Variants in ZAN observed in about 807,000 individuals in gnomAD.
ZAN encodes the protein zonadhesin.
ZAN carries 260 observed loss-of-function variants against 286.2 expected under a neutral mutation model. That is an observed-to-expected ratio of 0.91 (90% CI 0.82 to 1.01). ZAN has a LOEUF of 1.01. Ranked by LOEUF, ZAN falls within the 50% of genes least tolerant of loss-of-function variation. ZAN has a pLI of 0.00. For missense variants in ZAN, 3,410 were observed against 3,639.2 expected (o/e 0.94, Z 1.62); for synonymous variants, 1,368 against 1,417.5 (o/e 0.97, Z 0.79).
intron 42 of ZAN, 83 bp from the exon 43 acceptor site, chr7:100,793,737 C>A: frequency 6.9e-7 from 1 of 1,443,796 alleles, no homozygotes; most frequent in Non-Finnish European, 9.4e-7. Flanking sequence ...TGTGCCCAGC[C>A]TACTCTGAGT....
intron 16 of ZAN, 40 bp downstream of exon 16, chr7:100,758,383 G>T: frequency 4.4e-6 from 7 of 1,604,654 alleles, no homozygotes; most frequent in Non-Finnish European, 6.0e-6. Flanking sequence ...CTGCCAGCCA[G>T]TTGGAGTAGA....
intron 15 of ZAN, 25 bp from the exon 16 acceptor site, chr7:100,758,177 G>A (rs769671816): frequency 1.0e-5 from 16 of 1,602,990 alleles, no homozygotes; most frequent in African/African-American, 1.3e-5. Context: ...ATATGACTGT[G>A]TGACCTCACA....
chr7:100,776,718 C>CTTTTTTTTTTTTT lies in ZAN; in HGVS notation c.6317+167_6317+179dup, dbSNP rs1161585746. Among the ~76,000 whole-genome samples the CTTTTTTTTTTTTT allele has an allele frequency of 3.6e-4, 17 of 47,506 alleles. 1 individual carries two copies. The highest frequency in any genetic ancestry group is 4.2e-4 in the Non-Finnish European group (12 of 28,914). The allele number at this position is 47,506 out of a possible 152,430, so 31.2% of individuals were successfully genotyped here. ...TCTCTTTCTTTTCTTCCTCTCCTTT[C>CTTTTTTTTTTTTT]TTTTTTTTTTTTTTTTTTTTTTTTT... On this transcript the variant is annotated intron_variant, in intron 34 of 47. Coordinates refer to ENST00000613979, the MANE Select transcript of ZAN (RefSeq NM_003386.3).
chr7:100,759,634 T>TAAAAAA, intron 17 of ZAN, 87 bp from the exon 18 acceptor site: 3 of 1,307,472 alleles, frequency 2.3e-6, no homozygotes, highest in East Asian at 3.0e-5. Flanking sequence ...CGCTCATCTC[T>TAAAAAA]CCCTGCGGCG....
intron 7 of ZAN, among the ~76,000 whole-genome samples, chr7:100,745,332 G>T (rs570187953): frequency 6.6e-6 from 1 of 151,728 alleles, no homozygotes; most frequent in African/African-American, 2.4e-5. Flanking sequence ...CCTTCGGCAG[G>T]AGTGAGCGCG....
At position 100,760,501 on chromosome 7, in the gene ZAN, G is replaced by C; in HGVS notation, c.3807G>C (p.Trp1269Cys). ...CGGAGTTCGGTTTGCGGGTGAGATGGGATGGTGACCAGCAGCTGTATGTTA... is the reference window on the plus strand; with the variant it reads ...CGGAGTTCGGTTTGCGGGTGAGATGCGATGGTGACCAGCAGCTGTATGTTA... ...LQTEFGLRVR[W>C]DGDQQLYVTV... is the part of the protein sequence containing the mutation. The change falls in exon 19 of 48, where the codon TGG becomes TGC. Residue 1269 changes from tryptophan to cysteine, a missense_variant. This residue lies in a region of ZAN where 1,042 missense variants were observed against 1,058.0 expected (regional missense o/e 0.98). Coordinates refer to ENST00000613979, the MANE Select transcript of ZAN (RefSeq NM_003386.3). 2 of 1,613,958 alleles carry C rather than the reference G, an allele frequency of 1.2e-6. No individual in the cohort carries two copies. Among genetic ancestry groups the C allele is most frequent in the Admixed American group, 3.3e-5 (2 of 59,994 alleles).
In ZAN at chr7:100,734,631, A is replaced by C. The variant is rs1037039271; in HGVS notation, c.53+410A>C. Among the ~76,000 whole-genome samples, 7 of 138,568 alleles carry C rather than the reference A, an allele frequency of 5.1e-5. 3 individuals carry two copies. The highest frequency in any genetic ancestry group is 8.0e-5 in the Non-Finnish European group (5 of 62,154). 90.9% of individuals were successfully genotyped at this position (138,568 alleles called of 152,430 possible). On this transcript the variant is annotated intron_variant, in intron 2 of 47. Transcript: ENST00000613979. ...GAGACTCCGTCTCAAAAAAAAAAAAACAAAAAAAAAGACCTTGAGAGGAAG... is the reference window on the plus strand; with the variant it reads ...GAGACTCCGTCTCAAAAAAAAAAAACCAAAAAAAAAGACCTTGAGAGGAAG...
In ZAN at chr7:100,792,042, C is replaced by G. The variant is rs1350432663; in HGVS notation, c.7606C>G (p.Pro2536Ala). 6.2e-7 allele frequency: 1 copy of G among 1,613,282 alleles called. No homozygotes were observed. Among genetic ancestry groups the G allele is most frequent in the East Asian group, 2.2e-5 (1 of 44,870 alleles). Residue 2536 changes from proline (P) to alanine (A), a missense_variant, in exon 41 of 48, where the codon CCG (proline) becomes GCG (alanine). Pro to Ala is a conservative substitution (Grantham distance 27, BLOSUM62 -1). Coordinates refer to ENST00000613979, the MANE Select transcript of ZAN (RefSeq NM_003386.3). ...RTGLQVSECS[P>A]EQLASNSTQA... ...GGGCCTCCAAGTGTCCGAATGTAGC[C>G]CGGAGCAGCTGGCGAGCAACAGCAC...
intron 23 of ZAN, 102 bp from the exon 24 acceptor site, chr7:100,766,423 A>C (rs1032414838): frequency 1.9e-5 from 26 of 1,372,726 alleles, no homozygotes; most frequent in Non-Finnish European, 2.9e-6. Context: ...CTATTAAGCC[A>C]GTGATCTGAA....
In ZAN at chr7:100,784,531, G is replaced by A. The variant is rs1228720899; in HGVS notation, c.6623-92G>A. The A allele has an allele frequency of 3.1e-6, 4 of 1,271,706 alleles. No homozygotes were observed. In the East Asian group the frequency reaches 9.5e-5, roughly 30 times the overall value. The allele number at this position is 1,271,706 out of a possible 1,614,324, so 78.8% of individuals were successfully genotyped here. A position where few individuals can be genotyped will look rare whatever the true frequency, so the allele number is the denominator to read the frequency against. ...CAAAAAAAGCTCCCCAAGCCTTGTT[G>A]GTCATCCACCCATAGCTTGGTTTGT... is the stretch of plus-strand genomic sequence containing the variant. On this transcript the variant is annotated intron_variant, in intron 35 of 47. Transcript: ENST00000613979.
chr7:100,789,719 TG>T, intron 39 of ZAN, among the ~76,000 whole-genome samples: 1 of 151,390 alleles, frequency 6.6e-6, no homozygotes, highest in South Asian at 2.1e-4. Flanking sequence ...CTGAGGCAGG[TG>T]GATCACCTAA....
rs768032141 is a variant in ZAN at position 100,797,324 on chromosome 7, C to G, written c.8267-42C>G. The stretch of plus-strand genomic sequence containing the variant: ...AGTACCCCTCAGTCCCCACCCTTCC[C>G]GTCTCACGTTCGACCTAATGTCTCT... On this transcript the variant is annotated intron_variant, in intron 45 of 47. Coordinates refer to ENST00000613979, the MANE Select transcript of ZAN (RefSeq NM_003386.3). 3 of 1,592,848 alleles carry G rather than the reference C, an allele frequency of 1.9e-6. No individual in the cohort carries two copies. In the East Asian group the frequency reaches 6.7e-5, roughly 36 times the overall value.
chr7:100,784,164 C>G (rs1402214258), intron 35 of ZAN, among the ~76,000 whole-genome samples: 13 of 139,306 alleles, frequency 9.3e-5, no homozygotes, highest in African/African-American at 3.4e-4. Context: ...CAGTCTCACT[C>G]TGTTGCCCAG....
In ZAN at chr7:100,760,143, G is replaced by A. The variant is rs147328274; in HGVS notation, c.3697-248G>A. Reference sequence around the variant, plus strand: ...GTGGGAGGATTGCTGGAGCCTGGGAGGTCGAGGCTGCAGTGAGCTGTGATT... The same window carrying A: ...GTGGGAGGATTGCTGGAGCCTGGGAAGTCGAGGCTGCAGTGAGCTGTGATT... On this transcript the variant is annotated intron_variant, in intron 18 of 47. Transcript: ENST00000613979. Among the ~76,000 whole-genome samples, 716 of 152,280 alleles carry A rather than the reference G, an allele frequency of 4.7e-3. 8 individuals carry two copies. Among genetic ancestry groups the A allele is most frequent in the African/African-American group, 0.016 (656 of 41,546 alleles).
At chr7:100,738,857 T>C (rs550590964) in intron 7 of ZAN, among the ~76,000 whole-genome samples, 1,813 of 65,942 alleles carry the variant, frequency 0.027, 296 homozygotes, top group African/African-American at 0.08. Flanking sequence ...TCTTCTTCTT[T>C]CTCTTCCTCT....
rs151328994 is a variant in ZAN, at chr7:100,752,550, C to T, written c.2445C>T (p.Pro815=). The T allele has an allele frequency of 5.6e-5, 90 of 1,612,286 alleles. 2 individuals carry two copies. The Middle Eastern group carries it at 1.2e-3, about 21-fold the overall frequency. ...TEETTISTEK[P]SIPMEKPTLP... ...AGACCACCATCTCCACAGAAAAACC[C>T]AGCATCCCCATGGAAAAACCCACTC... is the stretch of plus-strand genomic sequence containing the variant. Residue 815 remains proline, a synonymous_variant, in exon 14 of 48, where the codon CCC becomes CCT. Transcript: ENST00000613979.
Position 100,752,373 on chromosome 7 carries a change from A to T in ZAN, c.2268A>T (p.Pro756=). ...TIPTEKPTIS[P]EKPTTPTEKP... Reference sequence around the variant, plus strand: ...CCACAGAAAAACCCACCATCTCCCCAGAAAAACCCACCACCCCCACAGAAA... The same window carrying T: ...CCACAGAAAAACCCACCATCTCCCCTGAAAAACCCACCACCCCCACAGAAA... The change falls in exon 14 of 48, where the codon CCA becomes CCT. Residue 756 remains proline, a synonymous_variant. Transcript: ENST00000613979. The T allele has an allele frequency of 6.5e-7, 1 of 1,546,536 alleles. No individual in the cohort carries two copies. The highest frequency in any genetic ancestry group is 8.7e-7 in the Non-Finnish European group (1 of 1,143,706).
intron 45 of ZAN, 96 bp downstream of exon 45, chr7:100,795,432 A>T: frequency 8.2e-7 from 1 of 1,216,364 alleles, no homozygotes. Flanking sequence ...ATATAGAATG[A>T]TATGTATTAT....
chr7:100,760,560 AGCTGCCACTTCTTCCTGCTGCCTCTTCCT>A (rs779782179), intron 19 of ZAN, 24 bp downstream of exon 19: 3 of 1,608,788 alleles, frequency 1.9e-6, no homozygotes, highest in African/African-American at 2.7e-5. Context: ...CCAGCCAGGC[AGCTGCCACTTCTTCCTGCTGCCTCTTCCT>A]GCTGCCTCTT....
Sources: gnomAD v4.1 joint callset for allele counts (sites outside exome capture counted in the v4.1 genomes callset) on GRCh38, gnomAD v4.1.1 for gene constraint, gnomAD v4.1.1 regional missense constraint, MANE v1.5 for transcripts, NCBI Gene and HGNC (gene_info 2026-07-23, HGNC 2026-07-21) for gene names.